FAM193A: variants seen among roughly 807,000 people sequenced by gnomAD.
The protein encoded by FAM193A is protein FAM193A.
In FAM193A, 22 loss-of-function variants were observed where a neutral mutation model predicts 126.5. The ratio of observed to expected loss-of-function variants is 0.17; its 90% CI spans 0.12 to 0.25. The LOEUF (loss-of-function observed/expected upper bound fraction) is 0.25. Among genes scored for constraint, FAM193A ranks in the 10% least tolerant of loss-of-function variants. The pLI, the probability that FAM193A is intolerant of heterozygous loss-of-function variation, is 1.00. For missense variants in FAM193A, 1,675 were observed against 1,672.8 expected, an observed-to-expected ratio of 1.00 and a Z score of -0.02; for synonymous variants, 761 against 646.8, an observed-to-expected ratio of 1.18 and a Z score of -2.68.
chr4:2,681,524 CACTGCAACCTCG>C (rs1715120763), intron 13 of FAM193A, among the ~76,000 whole-genome samples: 1 of 152,192 alleles, frequency 6.6e-6, no homozygotes, highest in Non-Finnish European at 1.5e-5. Context: ...GATCTTGGGT[CACTGCAACCTCG>C]ACCTCCTGGG....
At chr4:2,609,963 G>A (rs1283747556) in intron 2 of FAM193A, among the ~76,000 whole-genome samples, 2 of 150,074 alleles carry the variant, frequency 1.3e-5, no homozygotes, top group Non-Finnish European at 3.0e-5. Flanking sequence ...TGGGCGCAGT[G>A]GCTCACTCCT....
chr4:2,650,173 C>T (rs1745524371), intron 7 of FAM193A, among the ~76,000 whole-genome samples: 1 of 152,126 alleles, frequency 6.6e-6, no homozygotes, highest in African/African-American at 2.4e-5. Flanking sequence ...AAACAAAGTG[C>T]ACAATAAATG....
intron 16 of FAM193A, among the ~76,000 whole-genome samples, chr4:2,694,663 A>C (rs1176468143): frequency 6.6e-6 from 1 of 152,186 alleles, no homozygotes; most frequent in African/African-American, 2.4e-5. Context: ...CTGTGGTGGC[A>C]GGGGCAGTCT....
intron 13 of FAM193A, among the ~76,000 whole-genome samples, chr4:2,682,845 C>T (rs1258772999): frequency 6.6e-6 from 1 of 152,166 alleles, no homozygotes; most frequent in Non-Finnish European, 1.5e-5. Flanking sequence ...GTTTATCACC[C>T]AGTACAGTGA....
chr4:2,695,071 A>T lies in FAM193A; in HGVS notation c.3218A>T (p.Asn1073Ile). Residue 1073 changes from asparagine to isoleucine, a missense_variant, in exon 17 of 21, where the codon AAC (asparagine) becomes ATC (isoleucine). By Grantham distance (149) the Asn-to-Ile change is moderately radical. Transcript: ENST00000637812. ...EHSSSTSTSTNQKEGKYCDCC... is the reference protein window; with the variant it reads ...EHSSSTSTSTIQKEGKYCDCC... ...AGCTCCAGCACCTCGACCTCCACCA[A>T]CCAGAAGGAGGGCAAGTACTGCGAC... 6.2e-7 allele frequency: 1 copy of T among 1,609,288 alleles called. No homozygotes were observed. Among genetic ancestry groups the T allele is most frequent in the Non-Finnish European group, 8.5e-7 (1 of 1,177,990 alleles).
At chr4:2,667,600 A>G (rs963814479) in intron 12 of FAM193A, among the ~76,000 whole-genome samples, 1 of 152,146 alleles carries the variant, frequency 6.6e-6, no homozygotes, top group Admixed American at 6.5e-5. Flanking sequence ...TTTATTTGTT[A>G]GTATAGCCAC....
At chr4:2,538,050 T>G (rs1425073871) in intron 1 of FAM193A, among the ~76,000 whole-genome samples, 7 of 152,200 alleles carry the variant, frequency 4.6e-5, no homozygotes, top group African/African-American at 1.7e-4. Context: ...TCCCATTGTC[T>G]GCTGAAAGAG....
chr4:2,642,221 G>A (rs996775559), intron 6 of FAM193A, among the ~76,000 whole-genome samples: 8 of 151,886 alleles, frequency 5.3e-5, no homozygotes, highest in East Asian at 1.9e-4. Flanking sequence ...GGAGAATGGC[G>A]TGAACCTGGG....
intron 2 of FAM193A, among the ~76,000 whole-genome samples, chr4:2,613,620 A>G (rs1742011154): frequency 6.6e-6 from 1 of 151,314 alleles, no homozygotes; most frequent in South Asian, 2.1e-4. Context: ...TGCCTGGCTA[A>G]TTTTGTATTT....
At chr4:2,580,903 G>A (rs533464393) in intron 1 of FAM193A, among the ~76,000 whole-genome samples, 78 of 152,310 alleles carry the variant, frequency 5.1e-4, no homozygotes, top group South Asian at 1.7e-3. Flanking sequence ...GCCGAGGCGG[G>A]CAGATCACAA....
Position 2,696,347 on chromosome 4 carries a change from T to G in FAM193A, c.3277-16T>G, listed in dbSNP as rs374131541. ...AAATTTTTAAAACTTAAGCATAACT[T>G]TGTTGTTTTTCTCAGCCTCCAGCTG... On this transcript the variant is annotated splice_polypyrimidine_tract_variant and intron_variant, in intron 17 of 20. Transcript: ENST00000637812. The G allele has an allele frequency of 3.8e-6, 6 of 1,572,086 alleles. No individual in the cohort carries two copies. The African/African-American group carries it at 8.2e-5, about 21-fold the overall frequency.
intron 20 of FAM193A, among the ~76,000 whole-genome samples, chr4:2,724,986 C>G (rs149554386): frequency 7.0e-4 from 107 of 152,234 alleles, no homozygotes; most frequent in African/African-American, 2.6e-3. Flanking sequence ...AAGTGATTCT[C>G]CTGCCTCAGC....
intron 1 of FAM193A, among the ~76,000 whole-genome samples, chr4:2,590,557 G>A (rs193263653): frequency 3.3e-4 from 50 of 151,240 alleles, no homozygotes; most frequent in Admixed American, 2.6e-3. Flanking sequence ...ATTGAGGTAG[G>A]CAAGACAAAG....
At chr4:2,731,752 T>A (rs746435518) in intron 20 of FAM193A, 23 bp from the exon 21 acceptor site, 10 of 1,592,946 alleles carry the variant, frequency 6.3e-6, no homozygotes, top group African/African-American at 1.3e-5. Context: ...CTTCAGTGAC[T>A]GTTTGGCTTT....
rs1205867301 is a variant in FAM193A, at chr4:2,716,178, A to G, written c.4454+74A>G. 5.1e-6 allele frequency: 5 copies of G among 986,420 alleles called. No individual in the cohort carries two copies. In the East Asian group the frequency reaches 9.5e-5, roughly 19 times the overall value. 61.1% of individuals were successfully genotyped at this position (986,420 alleles called of 1,614,324 possible). A position where few individuals can be genotyped will look rare whatever the true frequency, so the allele number is the denominator to read the frequency against. On this transcript the variant is annotated intron_variant, in intron 20 of 20. Transcript: ENST00000637812. ...TACATGTTTGGTTTTCTGTCTTTCC[A>G]TGGCACTTCTAGTTGTCTTGGACGA...
At chr4:2,655,785 G>A (rs1397070570) in intron 7 of FAM193A, among the ~76,000 whole-genome samples, 1 of 152,030 alleles carries the variant, frequency 6.6e-6, no homozygotes, top group African/African-American at 2.4e-5. Context: ...AAAAAAATTA[G>A]CCAGGTGTGG....
intron 1 of FAM193A, among the ~76,000 whole-genome samples, chr4:2,590,489 A>AAT (rs1560464555): frequency 5.5e-5 from 5 of 90,660 alleles, no homozygotes; most frequent in African/African-American, 2.3e-4. Context: ...AAAAAAACAA[A>AAT]AAAAAACAAA....
At chr4:2,598,548 G>T (rs763868361) in intron 2 of FAM193A, among the ~76,000 whole-genome samples, 2 of 152,206 alleles carry the variant, frequency 1.3e-5, no homozygotes, top group African/African-American at 2.4e-5. Context: ...GGCCTTCGGG[G>T]TCTCATAAAA....
intron 2 of FAM193A, among the ~76,000 whole-genome samples, chr4:2,620,836 C>CAA (rs34305537): frequency 1.2e-3 from 82 of 68,992 alleles, no homozygotes; most frequent in African/African-American, 3.3e-3. Context: ...AACTCCGTCT[C>CAA]AAAAAAAAAA....
Sources: gnomAD v4.1 joint callset for allele counts (sites outside exome capture counted in the v4.1 genomes callset) on GRCh38, gnomAD v4.1.1 for gene constraint, MANE v1.5 for transcripts, NCBI Gene and HGNC (gene_info 2026-07-23, HGNC 2026-07-21) for gene names.